The following TTC39C variants were observed in gnomAD, a reference collection of about 807,000 sequenced individuals.
TTC39C encodes the protein tetratricopeptide repeat protein 39C.
A neutral mutation model predicts 76.3 loss-of-function variants in TTC39C; 33 were observed. The ratio of observed to expected loss-of-function variants is 0.43; its 90% CI spans 0.33 to 0.58. The LOEUF is 0.58. TTC39C is among the 20% of genes least tolerant of loss of function. The probability of loss-of-function intolerance (pLI) is 0.04; values close to 1 mark genes in which losing one functional copy is unlikely to be tolerated. For missense variants in TTC39C, 595 were observed against 701.4 expected, an observed-to-expected ratio of 0.85 and a Z score of 1.71; for synonymous variants, 254 against 260.6, an observed-to-expected ratio of 0.97 and a Z score of 0.24.
intron 1 of TTC39C, among the ~76,000 whole-genome samples, chr18:24,040,070 AGACTT>A (rs1281944413): frequency 6.6e-6 from 1 of 152,230 alleles, no homozygotes; most frequent in Non-Finnish European, 1.5e-5. Context: ...TATTGAAAAA[AGACTT>A]GAAGTAGCTG....
chr18:24,046,697 G>C (rs1185060388), intron 1 of TTC39C, among the ~76,000 whole-genome samples: 15 of 151,692 alleles, frequency 9.9e-5, no homozygotes, highest in Admixed American at 9.8e-4. Flanking sequence ...TTTTTGCATA[G>C]AAATTTTTTC....
In TTC39C at chr18:24,014,898, G is replaced by A; in HGVS notation, c.27G>A (p.Pro9=). The A allele has an allele frequency of 2.0e-6, 3 of 1,490,094 alleles. No homozygotes were observed. Among genetic ancestry groups the A allele is most frequent in the South Asian group, 2.6e-5 (2 of 76,176 alleles). 92.3% of individuals were successfully genotyped at this position (1,490,094 alleles called of 1,614,324 possible). A position where few individuals can be genotyped will look rare whatever the true frequency, so the allele number is the denominator to read the frequency against. Reference sequence around the variant, plus strand: ...TGGCCGGCTCGGAGCAGCAGCGGCCGCGGCGGCGGGACGACGGAGACTCGG... The same window carrying A: ...TGGCCGGCTCGGAGCAGCAGCGGCCACGGCGGCGGGACGACGGAGACTCGG... MAGSEQQR[P]RRRDDGDSDA... Residue 9 remains proline (P), a synonymous_variant, in exon 1 of 14, where the codon CCG becomes CCA. Transcript: ENST00000317571.
chr18:24,049,256 A>C (rs2083921396), intron 1 of TTC39C, among the ~76,000 whole-genome samples: 1 of 152,196 alleles, frequency 6.6e-6, no homozygotes, highest in South Asian at 2.1e-4. Flanking sequence ...GTTTATTTAG[A>C]CCAATTCATT....
upstream of TTC39C, among the ~76,000 whole-genome samples, chr18:24,014,226 GGTTTCAGTTACTCGTGGA>G (rs1037894814): frequency 2.6e-4 from 40 of 152,108 alleles, no homozygotes; most frequent in Middle Eastern, 3.4e-3. Context: ...GGCTGCGTGG[GGTTTCAGTTACTCGTGGA>G]GTTTCAGTTA....
At chr18:24,107,053 A>G (rs753426743) in intron 6 of TTC39C, among the ~76,000 whole-genome samples, 4 of 152,138 alleles carry the variant, frequency 2.6e-5, no homozygotes, top group Non-Finnish European at 5.9e-5. Flanking sequence ...TTCCGTTTCT[A>G]TTCTTTTCGC....
intron 1 of TTC39C, among the ~76,000 whole-genome samples, chr18:24,057,669 C>T (rs776721015): frequency 2.1e-4 from 32 of 152,022 alleles, no homozygotes; most frequent in African/African-American, 3.6e-4. Context: ...TCTGTTCTAC[C>T]GTGATGGATG....
At chr18:24,037,640 A>G (rs529889945) in intron 1 of TTC39C, among the ~76,000 whole-genome samples, 144 of 152,322 alleles carry the variant, frequency 9.5e-4, no homozygotes, top group African/African-American at 3.4e-3. Context: ...AGGCTTGCAT[A>G]TATTAGACAT....
At chr18:24,120,209 G>A (rs1172053005) in intron 8 of TTC39C, among the ~76,000 whole-genome samples, 1 of 152,182 alleles carries the variant, frequency 6.6e-6, no homozygotes, top group African/African-American at 2.4e-5. Context: ...AATAAGCCAG[G>A]CGTGGTGGCG....
At chr18:24,123,575 T>G in intron 8 of TTC39C, 1 of 284,046 alleles carries the variant, frequency 3.5e-6, no homozygotes, top group Non-Finnish European at 6.5e-6. Flanking sequence ...CCTGGCTTAT[T>G]TTTGTGTTTT....
Position 24,118,249 on chromosome 18 carries a change from C to T in TTC39C, c.1186+17C>T, listed in dbSNP as rs769854404. On this transcript the variant is annotated intron_variant, in intron 8 of 13. Transcript: ENST00000317571. Reference sequence around the variant, plus strand: ...TGACTGCAGGTGAGTCGCCCATGGTCCCTCAGTGTGCCTCTCTCTGTCGTG... The same window carrying T: ...TGACTGCAGGTGAGTCGCCCATGGTTCCTCAGTGTGCCTCTCTCTGTCGTG... 30 of 1,593,970 alleles carry T rather than the reference C, an allele frequency of 1.9e-5. No homozygotes were observed. Among genetic ancestry groups the T allele is most frequent in the Non-Finnish European group, 2.6e-5 (30 of 1,164,380 alleles).
rs377109079 is a variant in TTC39C, at chr18:24,051,899, AC to A, written c.168-12239del. Among the ~76,000 whole-genome samples, 32 of 152,288 alleles carry A rather than the reference AC, an allele frequency of 2.1e-4. 1 individual carries two copies. In the East Asian group the frequency reaches 5.0e-3, roughly 24 times the overall value. Reference sequence around the variant, plus strand: ...TTCACTAAACAGGCATGTACTGGGGACCTGTTAAACTCCAGATTCTGTCCTA... The same window carrying A: ...TTCACTAAACAGGCATGTACTGGGGACTGTTAAACTCCAGATTCTGTCCTA... On this transcript the variant is annotated intron_variant, in intron 1 of 13. Transcript: ENST00000317571.
At chr18:24,009,535 A>T (rs903048278) in intron 1 of TTC39C, among the ~76,000 whole-genome samples, 3 of 152,210 alleles carry the variant, frequency 2.0e-5, no homozygotes, top group Admixed American at 2.0e-4. Flanking sequence ...TCCAGGGAAC[A>T]GGGACTATCA....
At chr18:24,098,392 C>G (rs1038730954) in intron 6 of TTC39C, among the ~76,000 whole-genome samples, 1 of 65,008 alleles carries the variant, frequency 1.5e-5, no homozygotes, top group Non-Finnish European at 2.8e-5. Flanking sequence ...TTCCCTCCCT[C>G]CCTCCCTCCC....
At chr18:24,024,686 C>T (rs2083575640) in intron 1 of TTC39C, among the ~76,000 whole-genome samples, 1 of 152,082 alleles carries the variant, frequency 6.6e-6, no homozygotes, top group Non-Finnish European at 1.5e-5. Flanking sequence ...ACATATCTCC[C>T]ATCGTTAAAT....
chr18:24,107,906 A>G (rs1052893963), intron 6 of TTC39C, among the ~76,000 whole-genome samples: 8 of 148,846 alleles, frequency 5.4e-5, no homozygotes, highest in African/African-American at 2.0e-4. Context: ...GGGTACAGGC[A>G]TGTGCCACCA....
chr18:24,034,151 A>G (rs2145680788), intron 1 of TTC39C, among the ~76,000 whole-genome samples: 1 of 152,332 alleles, frequency 6.6e-6, no homozygotes, highest in East Asian at 1.9e-4. Context: ...ACTGGCCAAG[A>G]AAAACTTCCC....
At chr18:24,108,101 T>A (rs2084770136) in intron 6 of TTC39C, among the ~76,000 whole-genome samples, 1 of 152,230 alleles carries the variant, frequency 6.6e-6, no homozygotes, top group Non-Finnish European at 1.5e-5. Context: ...ACATCAAAGC[T>A]ATAGAATTAG....
At chr18:24,108,023 T>C (rs2084769397) in intron 6 of TTC39C, among the ~76,000 whole-genome samples, 1 of 152,238 alleles carries the variant, frequency 6.6e-6, no homozygotes, top group Non-Finnish European at 1.5e-5. Flanking sequence ...TAAAATAGAA[T>C]GTGCTTATGT....
chr18:24,045,078 G>C (rs1373452707), intron 1 of TTC39C, among the ~76,000 whole-genome samples: 2 of 152,042 alleles, frequency 1.3e-5, no homozygotes, highest in Non-Finnish European at 2.9e-5. Context: ...AGACCAGCCT[G>C]GCCAACATGG....
Sources: gnomAD v4.1 joint callset for allele counts (sites outside exome capture counted in the v4.1 genomes callset) on GRCh38, gnomAD v4.1.1 for gene constraint, MANE v1.5 for transcripts, NCBI Gene and HGNC (gene_info 2026-07-23, HGNC 2026-07-21) for gene names.